The following IFT122 variants were observed in gnomAD, a reference collection of about 807,000 sequenced individuals.
The protein encoded by IFT122 is intraflagellar transport protein 122 homolog.
A neutral mutation model predicts 161.6 loss-of-function variants in IFT122; 118 were observed. The ratio of observed to expected loss-of-function variants is 0.73; its 90% CI spans 0.63 to 0.85. The LOEUF (loss-of-function observed/expected upper bound fraction) is 0.85, where lower values mean the gene tolerates loss of function less well. IFT122 is among the 40% of genes least tolerant of loss of function. The probability of loss-of-function intolerance (pLI) is 0.00; values close to 1 mark genes in which losing one functional copy is unlikely to be tolerated. For synonymous variants in IFT122, 550 were observed against 602.4 expected, an observed-to-expected ratio of 0.91 and a Z score of 1.27; for missense variants, 1,381 against 1,579.6, an observed-to-expected ratio of 0.87 and a Z score of 2.13.
chr3:129,489,635 C>T (rs56230936), intron 16 of IFT122, among the ~76,000 whole-genome samples: 13,788 of 151,912 alleles, frequency 0.091, 699 homozygotes, highest in South Asian at 0.13. Context: ...GTCAGGAGAT[C>T]GAGACCATCC....
chr3:129,490,262 G>A (rs898607016), intron 16 of IFT122, among the ~76,000 whole-genome samples: 1 of 152,224 alleles, frequency 6.6e-6, no homozygotes, highest in African/African-American at 2.4e-5. Context: ...TAGGCTGGAT[G>A]TTACTATTTC....
At chr3:129,460,885 C>T (rs752578714) in intron 4 of IFT122, 3 of 1,613,996 alleles carry the variant, frequency 1.9e-6, no homozygotes, top group African/African-American at 2.7e-5. Context: ...ATTGCACCTC[C>T]ATCTTCCATT....
intron 3 of IFT122, among the ~76,000 whole-genome samples, chr3:129,457,418 C>G (rs545181937): frequency 2.6e-5 from 4 of 152,208 alleles, no homozygotes; most frequent in Admixed American, 2.6e-4. Flanking sequence ...CCCTTCCCTC[C>G]GTTCCATGAT....
Position 129,451,963 on chromosome 3 carries a change from A to G in IFT122, c.158A>G (p.Lys53Arg), listed in dbSNP as rs763644525. 1.5e-5 allele frequency: 25 copies of G among 1,613,964 alleles called. No homozygotes were observed. Among genetic ancestry groups the G allele is most frequent in the Admixed American group, 8.3e-5 (5 of 60,006 alleles). ...GTLLQPLKGH[K>R]DTVYCVAYAK... Reference sequence around the variant, plus strand: ...TTACTTCAGCCCCTCAAGGGACACAAAGACACTGTGTACTGTGTGGCATAT... The same window carrying G: ...TTACTTCAGCCCCTCAAGGGACACAGAGACACTGTGTACTGTGTGGCATAT... The change falls in exon 3 of 30, where the codon AAA becomes AGA. Residue 53 changes from lysine to arginine, a missense_variant. By Grantham distance (26) the Lys-to-Arg change is conservative. This residue lies in a region of IFT122 where 134 missense variants were observed against 137.4 expected (regional missense o/e 0.98). Transcript: ENST00000348417.
At chr3:129,446,250 A>C (rs913703586) in intron 1 of IFT122, among the ~76,000 whole-genome samples, 9 of 150,456 alleles carry the variant, frequency 6.0e-5, no homozygotes, top group African/African-American at 2.2e-4. Context: ...TCTGAGACAG[A>C]GTCTCACTCT....
intron 7 of IFT122, among the ~76,000 whole-genome samples, chr3:129,466,543 C>G (rs999899266): frequency 1.4e-5 from 2 of 146,516 alleles, no homozygotes; most frequent in Non-Finnish European, 3.0e-5. Context: ...ACTCTGTCAC[C>G]CAGGCTGCAG....
In IFT122 at chr3:129,512,177, A is replaced by G. The variant is rs189210095; in HGVS notation, c.2887-135A>G. Reference sequence around the variant, plus strand: ...ACAGTGGCTATATGGCGCTCAGCACACAGTAGGAGTAGGTGCTCAATAATC... The same window carrying G: ...ACAGTGGCTATATGGCGCTCAGCACGCAGTAGGAGTAGGTGCTCAATAATC... On this transcript the variant is annotated intron_variant, in intron 23 of 29. Coordinates refer to ENST00000348417, the MANE Select transcript of IFT122 (RefSeq NM_052989.3). The G allele has an allele frequency of 4.1e-4, 313 of 761,890 alleles. 2 individuals carry two copies. The highest frequency in any genetic ancestry group is 1.2e-3 in the South Asian group (86 of 72,516). The allele number at this position is 761,890 out of a possible 1,614,324, so 47.2% of individuals were successfully genotyped here. A position where few individuals can be genotyped will look rare whatever the true frequency, so the allele number is the denominator to read the frequency against.
intron 9 of IFT122, among the ~76,000 whole-genome samples, chr3:129,470,507 C>T (rs1189064994): frequency 4.6e-5 from 7 of 151,646 alleles, no homozygotes; most frequent in South Asian, 2.1e-4. Flanking sequence ...CCTCGTGATC[C>T]GCCCGCCTCA....
intron 26 of IFT122, 147 bp from the exon 27 acceptor site, chr3:129,517,322 C>A: frequency 3.3e-6 from 3 of 921,292 alleles, no homozygotes; most frequent in Non-Finnish European, 5.1e-6. Flanking sequence ...CCTGCACACA[C>A]ATACAGAGAC....
chr3:129,503,433 G>A (rs2081841440), intron 20 of IFT122, among the ~76,000 whole-genome samples: 2 of 152,038 alleles, frequency 1.3e-5, no homozygotes, highest in Admixed American at 1.3e-4. Flanking sequence ...CGAGAAAGGT[G>A]GCCAGCCTCA....
chr3:129,460,871 C>G lies in IFT122; in HGVS notation c.273-357C>G, dbSNP rs891175448. On this transcript the variant is annotated intron_variant, in intron 4 of 29. Coordinates refer to ENST00000348417, the MANE Select transcript of IFT122 (RefSeq NM_052989.3). ...GTTTCCAGATCTTGGTCTGTGATGT[C>G]TTCATTGCACCTCCATCTTCCATTT... 3.7e-6 allele frequency: 6 copies of G among 1,613,768 alleles called. No individual in the cohort carries two copies. Among genetic ancestry groups the G allele is most frequent in the Non-Finnish European group, 5.1e-6 (6 of 1,179,792 alleles).
At chr3:129,489,243 C>A (rs1428395651) in intron 16 of IFT122, among the ~76,000 whole-genome samples, 3 of 152,158 alleles carry the variant, frequency 2.0e-5, no homozygotes, top group African/African-American at 4.8e-5. Flanking sequence ...GGAGACTGGA[C>A]CAGACCAGGA....
At chr3:129,501,739 G>A (rs970557677) in intron 19 of IFT122, among the ~76,000 whole-genome samples, 3 of 152,210 alleles carry the variant, frequency 2.0e-5, no homozygotes, top group African/African-American at 4.8e-5. Context: ...GGGACGTTGG[G>A]TGTGATGGGT....
At chr3:129,496,944 A>AC (rs2080927211) in intron 18 of IFT122, among the ~76,000 whole-genome samples, 2 of 152,008 alleles carry the variant, frequency 1.3e-5, no homozygotes, top group African/African-American at 2.4e-5. Flanking sequence ...AGGGTTGGGA[A>AC]CCCCTGAGGC....
chr3:129,487,559 G>C (rs1406579052), intron 15 of IFT122: 1 of 158,332 alleles, frequency 6.3e-6, no homozygotes, highest in Non-Finnish European at 1.4e-5. Context: ...GAGGGCATCT[G>C]TCCCCAGGGC....
chr3:129,514,762 ACAGCCCCCGGCCCCGGCCT>A, intron 25 of IFT122: 1 of 670,836 alleles, frequency 1.5e-6, no homozygotes, highest in Non-Finnish European at 2.6e-6. Flanking sequence ...GCGCCCGCTC[ACAGCCCCCGGCCCCGGCCT>A]CAGCCCTCAG....
intron 15 of IFT122, among the ~76,000 whole-genome samples, chr3:129,487,185 G>A: frequency 6.6e-6 from 1 of 152,220 alleles, no homozygotes; most frequent in East Asian, 1.9e-4. Flanking sequence ...GAGAGATGCA[G>A]GCCACTGAAG....
rs372177693 is a variant in IFT122 at position 129,519,736 on chromosome 3, G to T, written c.3636+4G>T. 1 of 1,613,324 alleles carries T rather than the reference G, an allele frequency of 6.2e-7. No individual in the cohort carries two copies. The highest frequency in any genetic ancestry group is 8.5e-7 in the Non-Finnish European group (1 of 1,180,026). On this transcript the variant is annotated splice_donor_region_variant and intron_variant, in intron 29 of 29. Coordinates refer to ENST00000348417, the MANE Select transcript of IFT122 (RefSeq NM_052989.3). ...CATGTGCCCCTCCTGCTTCCAGGTAGGTGGCCACCCTGGTAGCTCACATGT... is the reference window on the plus strand; with the variant it reads ...CATGTGCCCCTCCTGCTTCCAGGTATGTGGCCACCCTGGTAGCTCACATGT...
chr3:129,476,683 C>T lies in IFT122; in HGVS notation c.1029C>T (p.Gly343=). The change falls in exon 11 of 30, where the codon GGC becomes GGT. Residue 343 remains glycine (G), a synonymous_variant. Coordinates refer to ENST00000348417, the MANE Select transcript of IFT122 (RefSeq NM_052989.3). Reference sequence around the variant, plus strand: ...CGCAGGTGGTCGGCTGCCAGGACGGCACCATTTCCTTCTACCAGCTTATTT... The same window carrying T: ...CGCAGGTGGTCGGCTGCCAGGACGGTACCATTTCCTTCTACCAGCTTATTT... ...SNYVVVGCQD[G]TISFYQLIFS... 6.2e-7 allele frequency: 1 copy of T among 1,614,206 alleles called. No homozygotes were observed. Among genetic ancestry groups the T allele is most frequent in the East Asian group, 2.2e-5 (1 of 44,874 alleles).
Sources: gnomAD v4.1 joint callset for allele counts (sites outside exome capture counted in the v4.1 genomes callset) on GRCh38, gnomAD v4.1.1 for gene constraint, gnomAD v4.1.1 regional missense constraint, MANE v1.5 for transcripts, NCBI Gene and HGNC (gene_info 2026-07-23, HGNC 2026-07-21) for gene names.